Variants in TMEM196 observed in about 807,000 individuals in gnomAD.
TMEM196 encodes the protein transmembrane protein 196.
In TMEM196, 17 loss-of-function variants were observed where a neutral mutation model predicts 20.0. That is an observed-to-expected ratio of 0.85 (90% CI 0.58 to 1.27). The LOEUF (loss-of-function observed/expected upper bound fraction) is 1.27, where lower values mean the gene tolerates loss of function less well. TMEM196 is among the 50% of genes most tolerant of loss of function. The pLI is 0.00. For missense variants in TMEM196, 267 were observed against 223.0 expected (o/e 1.20, Z -1.26); for synonymous variants, 113 against 88.9 (o/e 1.27, Z -1.52).
intron 1 of TMEM196, among the ~76,000 whole-genome samples, chr7:19,763,540 T>A (rs1389448225): frequency 5.3e-5 from 8 of 152,104 alleles, no homozygotes; most frequent in Non-Finnish European, 1.2e-4. Context: ...ATCACAACTA[T>A]TACTAAGGAA....
chr7:19,753,162 C>T (rs538335989), intron 1 of TMEM196, among the ~76,000 whole-genome samples: 1 of 152,112 alleles, frequency 6.6e-6, no homozygotes, highest in South Asian at 2.1e-4. Context: ...AGATAAAATC[C>T]CATCTTTTTC....
chr7:19,726,602 A>G (rs573676803), intron 2 of TMEM196, among the ~76,000 whole-genome samples: 37 of 152,132 alleles, frequency 2.4e-4, no homozygotes, highest in African/African-American at 7.7e-4. Context: ...TGGTCCTACT[A>G]TTGGTTGAAT....
chr7:19,724,254 T>TGGTA, intron 4 of TMEM196, 26 bp downstream of exon 4: 2 of 1,547,838 alleles, frequency 1.3e-6, no homozygotes, highest in East Asian at 4.9e-5. Flanking sequence ...CATTACAACA[T>TGGTA]GGTAACTCCC....
chr7:19,735,734 A>G (rs1418234853), intron 1 of TMEM196, among the ~76,000 whole-genome samples: 3 of 152,184 alleles, frequency 2.0e-5, no homozygotes, highest in African/African-American at 7.2e-5. Context: ...ATAGGATTAT[A>G]AAAGATGACA....
rs1299040775 is a variant in TMEM196, at chr7:19,772,754, T to A, written c.-58A>T. 1.1e-5 allele frequency: 16 copies of A among 1,409,960 alleles called. No homozygotes were observed. The highest frequency in any genetic ancestry group is 1.5e-5 in the Non-Finnish European group (16 of 1,066,986). The allele number at this position is 1,409,960 out of a possible 1,614,324, so 87.3% of individuals were successfully genotyped here. On this transcript the variant is annotated 5_prime_UTR_variant, in exon 1 of 5. Coordinates refer to ENST00000405844, the MANE Select transcript of TMEM196 (RefSeq NM_001363562.2). ...AGGGAAATCAACCATCTACCTTTTTTTCTTCCACTATCCTCCTTACCCCTT... is the reference window on the plus strand; with the variant it reads ...AGGGAAATCAACCATCTACCTTTTTATCTTCCACTATCCTCCTTACCCCTT...
At position 19,720,100 on chromosome 7, in the gene TMEM196, T is replaced by G. The variant is rs1783765698; in HGVS notation, c.*2028A>C. The G allele has an allele frequency of 6.6e-6, 1 of 152,106 alleles. No homozygotes were observed. The allele number at this position is 152,106 out of a possible 1,614,324, so 9.4% of individuals were successfully genotyped here. A position where few individuals can be genotyped will look rare whatever the true frequency, so the allele number is the denominator to read the frequency against. On this transcript the variant is annotated 3_prime_UTR_variant, in exon 5 of 5. Transcript: ENST00000405844. Reference sequence around the variant, plus strand: ...ACACAAATATCTTCATGATGTAATTTAGATTTTCATTGGCAAAGATCATGC... The same window carrying G: ...ACACAAATATCTTCATGATGTAATTGAGATTTTCATTGGCAAAGATCATGC...
At chr7:19,769,616 T>A (rs1191243042) in intron 1 of TMEM196, among the ~76,000 whole-genome samples, 1 of 152,074 alleles carries the variant, frequency 6.6e-6, no homozygotes, top group African/African-American at 2.4e-5. Flanking sequence ...TCCATTCAAT[T>A]TACTAAGAAC....
chr7:19,767,252 A>G (rs1433935369), intron 1 of TMEM196, among the ~76,000 whole-genome samples: 1 of 152,126 alleles, frequency 6.6e-6, no homozygotes, highest in Non-Finnish European at 1.5e-5. Flanking sequence ...TTACACCAGA[A>G]ATAAACACAT....
chr7:19,757,173 T>TA (rs2128034789), intron 1 of TMEM196, among the ~76,000 whole-genome samples: 1 of 126,532 alleles, frequency 7.9e-6, no homozygotes, highest in African/African-American at 3.5e-5. Context: ...TTGCAGTAGA[T>TA]ACTTTTTTTT....
intron 4 of TMEM196, 100 bp from the exon 5 acceptor site, chr7:19,722,234 A>T: frequency 9.9e-7 from 1 of 1,010,652 alleles, no homozygotes; most frequent in African/African-American, 1.7e-5. Flanking sequence ...CCATTGAAAA[A>T]CTTGCTAAGT....
At chr7:19,725,381 C>A in intron 3 of TMEM196, 133 bp downstream of exon 3, 3 of 1,190,192 alleles carry the variant, frequency 2.5e-6, no homozygotes, top group Non-Finnish European at 3.4e-6. Context: ...AATTTCTATT[C>A]TTAACCCAAT....
intron 1 of TMEM196, among the ~76,000 whole-genome samples, chr7:19,730,421 T>C (rs1350065494): frequency 6.6e-6 from 1 of 152,228 alleles, no homozygotes; most frequent in Non-Finnish European, 1.5e-5. Context: ...AAATGATAAA[T>C]AGTTTAATTT....
intron 1 of TMEM196, among the ~76,000 whole-genome samples, chr7:19,742,070 T>C (rs1784598463): frequency 6.6e-6 from 1 of 152,192 alleles, no homozygotes; most frequent in Admixed American, 6.5e-5. Flanking sequence ...TCTAGAATCT[T>C]GCATCTGGAC....
In TMEM196 at chr7:19,751,842, C is replaced by T. The variant is rs1784973624; in HGVS notation, c.147+20708G>A. ...TTGCTTCAGAATACTCATGTTTCCT[C>T]ATCCATGGAGGCAGATTTTCCTACA... On this transcript the variant is annotated intron_variant, in intron 1 of 4. Transcript: ENST00000405844. Among the ~76,000 whole-genome samples the T allele has an allele frequency of 3.3e-5, 5 of 152,252 alleles. No individual in the cohort carries two copies. The South Asian group carries it at 1.0e-3, about 32-fold the overall frequency.
intron 1 of TMEM196, among the ~76,000 whole-genome samples, chr7:19,754,164 G>C (rs1332491326): frequency 6.6e-6 from 1 of 152,130 alleles, no homozygotes; most frequent in Admixed American, 6.5e-5. Flanking sequence ...TTTTTCCACA[G>C]TTTCCTCTTT....
intron 1 of TMEM196, among the ~76,000 whole-genome samples, chr7:19,743,132 C>T (rs1317679314): frequency 6.6e-6 from 1 of 152,102 alleles, no homozygotes; most frequent in Non-Finnish European, 1.5e-5. Flanking sequence ...CATCAAAGAA[C>T]TGGTGGTATA....
In TMEM196 at chr7:19,720,052, A is replaced by G. The variant is rs1194858130; in HGVS notation, c.*2076T>C. 2.0e-5 allele frequency: 3 copies of G among 152,068 alleles called. No homozygotes were observed. The highest frequency in any genetic ancestry group is 2.9e-5 in the Non-Finnish European group (2 of 67,936). The allele number at this position is 152,068 out of a possible 1,614,324, so 9.4% of individuals were successfully genotyped here. ...TTTCAGTACAAAACTACATCCTTGC[A>G]TGAATTCAGGAGGACCATACACACA... On this transcript the variant is annotated 3_prime_UTR_variant, in exon 5 of 5. Transcript: ENST00000405844.
intron 1 of TMEM196, 55 bp from the exon 2 acceptor site, chr7:19,729,493 G>T (rs888010322): frequency 6.7e-7 from 1 of 1,501,690 alleles, no homozygotes. Flanking sequence ...AGGACCCCTA[G>T]ATTTTAGCTT....
intron 1 of TMEM196, among the ~76,000 whole-genome samples, chr7:19,764,621 AT>A (rs1243011199): frequency 6.6e-6 from 1 of 152,158 alleles, no homozygotes; most frequent in East Asian, 1.9e-4. Flanking sequence ...TATGCCTTTT[AT>A]TATGAACTCT....
Sources: gnomAD v4.1 joint callset for allele counts (sites outside exome capture counted in the v4.1 genomes callset) on GRCh38, gnomAD v4.1.1 for gene constraint, MANE v1.5 for transcripts, NCBI Gene and HGNC (gene_info 2026-07-23, HGNC 2026-07-21) for gene names.